The following TTC39B variants were observed in gnomAD, a reference collection of about 807,000 sequenced individuals.
TTC39B encodes the protein tetratricopeptide repeat domain 39B.
TTC39B carries 92 observed loss-of-function variants against 96.6 expected under a neutral mutation model. The observed-to-expected ratio is 0.95, with a 90% CI of 0.80 to 1.13. TTC39B has a LOEUF of 1.13. Among genes scored for constraint, TTC39B ranks in the 50% most tolerant of loss-of-function variants. The probability of loss-of-function intolerance (pLI) is 0.00; values close to 1 mark genes in which losing one functional copy is unlikely to be tolerated. For missense variants in TTC39B, 955 were observed against 809.3 expected, an observed-to-expected ratio of 1.18 and a Z score of -2.18; for synonymous variants, 367 against 299.4, an observed-to-expected ratio of 1.23 and a Z score of -2.33.
intron 1 of TTC39B, among the ~76,000 whole-genome samples, chr9:15,282,201 G>A (rs1161378147): frequency 6.6e-6 from 1 of 152,154 alleles, no homozygotes; most frequent in East Asian, 1.9e-4. Context: ...GAGACTGCCA[G>A]AAGTGATAAT....
At chr9:15,214,818 T>C (rs572483219) in intron 3 of TTC39B, among the ~76,000 whole-genome samples, 1 of 152,362 alleles carries the variant, frequency 6.6e-6, no homozygotes, top group African/African-American at 2.4e-5. Flanking sequence ...TTTTATCCTT[T>C]TTTGAAAATT....
intron 2 of TTC39B, among the ~76,000 whole-genome samples, chr9:15,235,190 C>G (rs1421760185): frequency 3.9e-5 from 6 of 152,054 alleles, no homozygotes; most frequent in Non-Finnish European, 8.8e-5. Context: ...ACCTCCAATT[C>G]ATATCACCAA....
At chr9:15,181,717 G>A (rs1029029171) in intron 17 of TTC39B, among the ~76,000 whole-genome samples, 1 of 152,226 alleles carries the variant, frequency 6.6e-6, no homozygotes, top group South Asian at 2.1e-4. Context: ...AGGAGGCATA[G>A]AAAGAGTCAC....
intron 17 of TTC39B, among the ~76,000 whole-genome samples, chr9:15,180,518 G>A (rs766530861): frequency 6.6e-6 from 1 of 152,142 alleles, no homozygotes; most frequent in Non-Finnish European, 1.5e-5. Flanking sequence ...TTGCAGAGTA[G>A]ATCAGTTGTA....
chr9:15,307,181 C>G, exon 1 of TTC39B: 1 of 1,586,702 alleles, frequency 6.3e-7, no homozygotes, highest in Non-Finnish European at 8.6e-7. Context: ...AGAGCCGACT[C>G]CTGCTCTCGG....
At chr9:15,191,202 A>G in exon 10 of TTC39B, 3 of 1,608,090 alleles carry the variant, frequency 1.9e-6, no homozygotes, top group Non-Finnish European at 2.5e-6. Context: ...TATTCCCAGA[A>G]AATCCAATAA....
intron 3 of TTC39B, among the ~76,000 whole-genome samples, chr9:15,214,540 G>A (rs1820404775): frequency 6.6e-6 from 1 of 152,146 alleles, no homozygotes; most frequent in African/African-American, 2.4e-5. Context: ...ACTAATAGCA[G>A]TGCAAAATAA....
In TTC39B at chr9:15,266,245, G is replaced by GT. The variant is rs34562908; in HGVS notation, c.275+1668dup. Among the ~76,000 whole-genome samples, 77 of 149,316 alleles carry GT rather than the reference G, an allele frequency of 5.2e-4. 1 individual carries two copies. Among genetic ancestry groups the GT allele is most frequent in the African/African-American group, 1.2e-3 (47 of 40,830 alleles). The stretch of plus-strand genomic sequence containing the variant: ...ATAGGTTAATCCCAATCACAATTAA[G>GT]TTTTTTTTTTAAAAAATCATATAAA... On this transcript the variant is annotated intron_variant, in intron 2 of 19. Coordinates refer to ENST00000512701, the Ensembl canonical transcript of TTC39B.
At chr9:15,202,647 C>G (rs145689453) in intron 7 of TTC39B, among the ~76,000 whole-genome samples, 2,188 of 151,288 alleles carry the variant, frequency 0.014, 59 homozygotes, top group African/African-American at 0.05. Context: ...AGGAGGCAGA[C>G]GTTGCAGTGA....
chr9:15,203,417 A>AT lies in TTC39B; in HGVS notation c.759+405dup, dbSNP rs538878569. Among the ~76,000 whole-genome samples the AT allele has an allele frequency of 6.1e-3, 868 of 142,926 alleles. 11 individuals are homozygous for AT. Among genetic ancestry groups the AT allele is most frequent in the Admixed American group, 0.031 (449 of 14,280 alleles). The allele number at this position is 142,926 out of a possible 152,430, so 93.8% of individuals were successfully genotyped here. A position where few individuals can be genotyped will look rare whatever the true frequency, so the allele number is the denominator to read the frequency against. ...AGGCGCCCGCCACCATGCCTGGCTAATTTTTTTTTTTTTTTGTATTTTCAG... is the reference window on the plus strand; with the variant it reads ...AGGCGCCCGCCACCATGCCTGGCTAATTTTTTTTTTTTTTTTGTATTTTCAG... On this transcript the variant is annotated intron_variant, in intron 7 of 19. Coordinates refer to ENST00000512701, the Ensembl canonical transcript of TTC39B.
chr9:15,246,278 A>G (rs949260057), intron 2 of TTC39B, among the ~76,000 whole-genome samples: 5 of 152,118 alleles, frequency 3.3e-5, no homozygotes, highest in African/African-American at 9.7e-5. Context: ...ATAAATAAAT[A>G]AATCACCAGA....
chr9:15,189,277 A>G (rs929049376), intron 13 of TTC39B, among the ~76,000 whole-genome samples: 1 of 152,150 alleles, frequency 6.6e-6, no homozygotes. Context: ...GAAATTGGTA[A>G]CAGTCACAGT....
At chr9:15,302,549 A>AAT (rs1486463792) in intron 1 of TTC39B, among the ~76,000 whole-genome samples, 33 of 147,042 alleles carry the variant, frequency 2.2e-4, no homozygotes, top group African/African-American at 8.0e-4. Flanking sequence ...CAAAAAAAAA[A>AAT]AAAAAAAAAA....
At chr9:15,234,145 C>G (rs1199051694) in intron 2 of TTC39B, among the ~76,000 whole-genome samples, 3 of 148,382 alleles carry the variant, frequency 2.0e-5, no homozygotes, top group African/African-American at 7.5e-5. Flanking sequence ...AGTGAGGAGT[C>G]CCTCTGCCCG....
intron 3 of TTC39B, among the ~76,000 whole-genome samples, chr9:15,225,273 A>G (rs1490673722): frequency 6.6e-6 from 1 of 152,194 alleles, no homozygotes; most frequent in African/African-American, 2.4e-5. Context: ...AAAAAATTTA[A>G]TATCTCTATA....
intron 2 of TTC39B, among the ~76,000 whole-genome samples, chr9:15,236,416 G>T (rs369364962): frequency 6.6e-6 from 1 of 152,128 alleles, no homozygotes. Context: ...ACAGATCATC[G>T]AGGCAGAAAA....
chr9:15,291,150 C>T (rs1185008153), intron 1 of TTC39B, among the ~76,000 whole-genome samples: 1 of 152,176 alleles, frequency 6.6e-6, no homozygotes, highest in African/African-American at 2.4e-5. Context: ...ACACATTGTC[C>T]ACATGAATAA....
exon 20 of TTC39B, chr9:15,164,371 A>AT (rs1223252924): frequency 6.6e-6 from 1 of 152,190 alleles, no homozygotes; most frequent in East Asian, 1.9e-4. Context: ...CTCTAATTTT[A>AT]TTTTTGTTTA....
chr9:15,230,379 C>CA lies in TTC39B; in HGVS notation c.276-4368dup, dbSNP rs1182501903. On this transcript the variant is annotated intron_variant, in intron 2 of 19. Coordinates refer to ENST00000512701, the Ensembl canonical transcript of TTC39B. The stretch of plus-strand genomic sequence containing the variant: ...TATCCATATATTAGCAGTCACTCCT[C>CA]ATTCTCCACTCCACCTCCTCTAGTC... Among the ~76,000 whole-genome samples, 4 of 152,146 alleles carry CA rather than the reference C, an allele frequency of 2.6e-5. No individual in the cohort carries two copies. The East Asian group carries it at 7.7e-4, about 29-fold the overall frequency.
Sources: gnomAD v4.1 joint callset for allele counts (sites outside exome capture counted in the v4.1 genomes callset) on GRCh38, gnomAD v4.1.1 for gene constraint, MANE v1.5 for transcripts, NCBI Gene and HGNC (gene_info 2026-07-23, HGNC 2026-07-21) for gene names.